The following ZC3H12B variants were observed in gnomAD, a reference collection of about 807,000 sequenced individuals.
ZC3H12B encodes the protein probable ribonuclease ZC3H12B.
In ZC3H12B, 7 loss-of-function variants were observed where a neutral mutation model predicts 43.9. That is an observed-to-expected ratio of 0.16 (90% CI 0.09 to 0.30). The LOEUF (loss-of-function observed/expected upper bound fraction) is 0.30, where lower values mean the gene tolerates loss of function less well. Among genes scored for constraint, ZC3H12B ranks in the 10% least tolerant of loss-of-function variants. The pLI is 1.00. For synonymous variants in ZC3H12B, 222 were observed against 241.7 expected, an observed-to-expected ratio of 0.92 and a Z score of 0.76; for missense variants, 475 against 670.2, an observed-to-expected ratio of 0.71 and a Z score of 3.22.
At chrX:65,197,214 G>C in the ZC3H12B span, among the ~76,000 whole-genome samples, 30 of 111,725 alleles carry the variant, frequency 2.7e-4, no homozygotes, top group African/African-American at 8.8e-4. Flanking sequence ...CTGGCGGCTG[G>C]GGGAGGGAGC....
intron 3 of ZC3H12B, among the ~76,000 whole-genome samples, chrX:65,453,194 A>T (rs2067544484): frequency 9.4e-6 from 1 of 106,447 alleles, no homozygotes. Flanking sequence ...CTCAGAAATA[A>T]AGCCAAAATA....
the ZC3H12B span, among the ~76,000 whole-genome samples, chrX:65,274,840 A>G: frequency 1.5e-4 from 17 of 111,366 alleles, no homozygotes; most frequent in African/African-American, 5.2e-4. Context: ...CTGGCCAAAC[A>G]TCCAATAACC....
intron 2 of ZC3H12B, among the ~76,000 whole-genome samples, chrX:65,385,329 C>T (rs995308942): frequency 1.5e-4 from 17 of 111,691 alleles, no homozygotes; most frequent in African/African-American, 5.2e-4. Flanking sequence ...TTTCTTTGAG[C>T]AGTGGTTTGT....
chrX:65,151,191 A>G, the ZC3H12B span, among the ~76,000 whole-genome samples: 1 of 112,107 alleles, frequency 8.9e-6, no homozygotes, highest in Non-Finnish European at 1.9e-5. Flanking sequence ...TCAGTAGAAT[A>G]TTTCAAAATT....
the ZC3H12B span, among the ~76,000 whole-genome samples, chrX:65,038,481 G>T: frequency 1.8e-5 from 2 of 111,711 alleles, no homozygotes; most frequent in African/African-American, 6.5e-5. Flanking sequence ...TTAACAGATA[G>T]CAAAATATAT....
chrX:65,313,521 G>A, the ZC3H12B span, among the ~76,000 whole-genome samples: 2 of 111,884 alleles, frequency 1.8e-5, no homozygotes, highest in East Asian at 2.8e-4. Flanking sequence ...GAACTATAAT[G>A]TAAACTAATG....
chrX:65,190,205 G>C, the ZC3H12B span, among the ~76,000 whole-genome samples: 4 of 110,407 alleles, frequency 3.6e-5, no homozygotes, highest in Non-Finnish European at 7.6e-5. Flanking sequence ...CTGTAGCCTT[G>C]TAGTATAGTT....
the ZC3H12B span, among the ~76,000 whole-genome samples, chrX:65,134,446 C>T: frequency 9.0e-6 from 1 of 111,593 alleles, no homozygotes; most frequent in Admixed American, 9.5e-5. Flanking sequence ...AATGTGTCTC[C>T]TTTGTCTCTA....
At chrX:65,472,043 A>G in intron 3 of ZC3H12B, among the ~76,000 whole-genome samples, 1 of 111,394 alleles carries the variant, frequency 9.0e-6, no homozygotes, top group Non-Finnish European at 1.9e-5. Flanking sequence ...GCTTGTCTGA[A>G]GTCTTTATTT....
chrX:65,375,620 G>A (rs2066336066), intron 2 of ZC3H12B, among the ~76,000 whole-genome samples: 1 of 111,652 alleles, frequency 9.0e-6, no homozygotes, highest in Non-Finnish European at 1.9e-5. Context: ...GTACGGTGGA[G>A]CACTGATCAA....
At chrX:65,291,118 G>A in the ZC3H12B span, among the ~76,000 whole-genome samples, 1 of 111,094 alleles carries the variant, frequency 9.0e-6, no homozygotes, top group East Asian at 2.8e-4. Context: ...CACATCTTTT[G>A]TGATGGCCAT....
chrX:65,055,424 C>G, the ZC3H12B span, among the ~76,000 whole-genome samples: 1 of 111,784 alleles, frequency 8.9e-6, no homozygotes, highest in Non-Finnish European at 1.9e-5. Flanking sequence ...CCTTGCATCC[C>G]AGGGATGAAG....
At chrX:65,092,647 G>A in the ZC3H12B span, among the ~76,000 whole-genome samples, 5 of 111,859 alleles carry the variant, frequency 4.5e-5, no homozygotes, top group Non-Finnish European at 7.5e-5. Context: ...AAAGTATCTG[G>A]CAGAAGGAAT....
chrX:65,052,186 T>C, the ZC3H12B span, among the ~76,000 whole-genome samples: 1 of 111,299 alleles, frequency 9.0e-6, no homozygotes, highest in Non-Finnish European at 1.9e-5. Context: ...TTTTAAAATG[T>C]TTGTGGGTAC....
chrX:65,270,686 C>G, the ZC3H12B span, among the ~76,000 whole-genome samples: 1 of 111,435 alleles, frequency 9.0e-6, no homozygotes, highest in Non-Finnish European at 1.9e-5. Flanking sequence ...AATGCATGAA[C>G]AAAGTGAGAA....
At chrX:65,385,783 G>A (rs959337211) in intron 2 of ZC3H12B, among the ~76,000 whole-genome samples, 1 of 111,905 alleles carries the variant, frequency 8.9e-6, no homozygotes, top group East Asian at 2.8e-4. Context: ...CTGTCGGTTT[G>A]TCATAAATAG....
At chrX:65,390,973 T>C (rs886884304) in intron 2 of ZC3H12B, among the ~76,000 whole-genome samples, 5 of 111,987 alleles carry the variant, frequency 4.5e-5, no homozygotes, top group African/African-American at 1.6e-4. Flanking sequence ...ACAATAGAAC[T>C]ATAATACAAT....
chrX:65,476,476 C>T (rs757795738), intron 3 of ZC3H12B, among the ~76,000 whole-genome samples: 29 of 111,658 alleles, frequency 2.6e-4, no homozygotes, highest in Non-Finnish European at 5.5e-4. Context: ...AAGAAAGAGG[C>T]GTGCAGGCAT....
the ZC3H12B span, among the ~76,000 whole-genome samples, chrX:65,304,602 C>A: frequency 1.0e-5 from 1 of 99,184 alleles, no homozygotes; most frequent in African/African-American, 4.2e-5. Flanking sequence ...GGGGACAGAG[C>A]GACACTCCGT....
Sources: gnomAD v4.1 joint callset for allele counts (sites outside exome capture counted in the v4.1 genomes callset) on GRCh38, gnomAD v4.1.1 for gene constraint, MANE v1.5 for transcripts, NCBI Gene and HGNC (gene_info 2026-07-23, HGNC 2026-07-21) for gene names.